MOXD1: variants seen among roughly 807,000 people sequenced by gnomAD.
MOXD1 encodes the protein DBH-like monooxygenase protein 1.
MOXD1 carries 62 observed loss-of-function variants against 66.6 expected under a neutral mutation model. That is an observed-to-expected ratio of 0.93 (90% CI 0.76 to 1.15). The LOEUF is 1.15. Ranked by LOEUF, MOXD1 falls within the 50% of genes most tolerant of loss-of-function variation. The pLI, the probability that MOXD1 is intolerant of heterozygous loss-of-function variation, is 0.00. For synonymous variants in MOXD1, 303 were observed against 281.9 expected (o/e 1.07, Z -0.75); for missense variants, 847 against 754.6 (o/e 1.12, Z -1.44).
chr6:132,333,107 C>T lies in MOXD1; in HGVS notation c.664-4513G>A, dbSNP rs529928572. On this transcript the variant is annotated intron_variant, in intron 4 of 11. Coordinates refer to ENST00000367963, the MANE Select transcript of MOXD1 (RefSeq NM_015529.4). ...ATCCCAGCACTTTGGGAGGCCGAGG[C>T]GGGCAGATCACAAGGTCAGGAGATC... is the stretch of plus-strand genomic sequence containing the variant. Among the ~76,000 whole-genome samples the T allele has an allele frequency of 1.7e-3, 264 of 152,164 alleles. 1 individual carries two copies. The highest frequency in any genetic ancestry group is 6.6e-3 in the South Asian group (32 of 4,814).
chr6:132,320,176 G>C (rs1775047691), intron 9 of MOXD1, among the ~76,000 whole-genome samples: 1 of 152,074 alleles, frequency 6.6e-6, no homozygotes, highest in African/African-American at 2.4e-5. Context: ...AGTAAGACAT[G>C]AATTATCTAT....
intron 8 of MOXD1, among the ~76,000 whole-genome samples, chr6:132,321,317 A>G (rs538490550): frequency 9.2e-5 from 14 of 152,278 alleles, no homozygotes; most frequent in African/African-American, 3.1e-4. Flanking sequence ...ATTAAATGAC[A>G]TAACACATAG....
At chr6:132,346,955 A>G (rs1243881540) in intron 4 of MOXD1, among the ~76,000 whole-genome samples, 1 of 152,250 alleles carries the variant, frequency 6.6e-6, no homozygotes, top group Admixed American at 6.5e-5. Flanking sequence ...GATCTAAGCC[A>G]CAATTGGATC....
intron 1 of MOXD1, among the ~76,000 whole-genome samples, chr6:132,398,093 C>G (rs1039242502): frequency 1.3e-5 from 2 of 152,196 alleles, no homozygotes; most frequent in Non-Finnish European, 2.9e-5. Flanking sequence ...ATTCCACACT[C>G]CACATCCTTG....
chr6:132,307,431 C>G (rs1774719618), intron 10 of MOXD1, among the ~76,000 whole-genome samples: 1 of 152,166 alleles, frequency 6.6e-6, no homozygotes, highest in Non-Finnish European at 1.5e-5. Flanking sequence ...GAGACTTTAA[C>G]ACCCCAATGT....
At position 132,362,637 on chromosome 6, in the gene MOXD1, C is replaced by T. The variant is rs1000863484; in HGVS notation, c.663+9971G>A. ...ATTTCTTCTCATGAGTAGCTTTTTA[C>T]AGATCGTTATAGCAAAGGGGAATCA... On this transcript the variant is annotated intron_variant, in intron 4 of 11. Coordinates refer to ENST00000367963, the MANE Select transcript of MOXD1 (RefSeq NM_015529.4). Among the ~76,000 whole-genome samples, 6 of 152,260 alleles carry T rather than the reference C, an allele frequency of 3.9e-5. 1 individual carries two copies. In the East Asian group the frequency reaches 1.2e-3, roughly 29 times the overall value.
At chr6:132,329,878 T>C (rs759726173) in intron 4 of MOXD1, among the ~76,000 whole-genome samples, 10 of 152,204 alleles carry the variant, frequency 6.6e-5, no homozygotes, top group Non-Finnish European at 1.2e-4. Context: ...TTGTTAGCTA[T>C]GTGCGCTTGT....
intron 4 of MOXD1, among the ~76,000 whole-genome samples, chr6:132,356,149 G>T (rs907667556): frequency 1.3e-5 from 2 of 152,122 alleles, no homozygotes; most frequent in Admixed American, 6.5e-5. Context: ...TCTTGATTCT[G>T]GTTTCATGAG....
intron 4 of MOXD1, among the ~76,000 whole-genome samples, chr6:132,332,112 C>T (rs72994804): frequency 0.076 from 11,557 of 152,246 alleles, 600 homozygotes; most frequent in South Asian, 0.22. Flanking sequence ...GACCCATGGC[C>T]TTTCAAGGTG....
intron 1 of MOXD1, among the ~76,000 whole-genome samples, chr6:132,400,083 A>G (rs1776986841): frequency 6.6e-6 from 1 of 152,234 alleles, no homozygotes; most frequent in South Asian, 2.1e-4. Flanking sequence ...ATTTCCTTCC[A>G]GAGTTAACAG....
At chr6:132,361,796 G>C (rs2114642931) in intron 4 of MOXD1, among the ~76,000 whole-genome samples, 1 of 152,142 alleles carries the variant, frequency 6.6e-6, no homozygotes, top group East Asian at 1.9e-4. Flanking sequence ...TGTTAGTGTA[G>C]TATTTTTCTT....
intron 4 of MOXD1, among the ~76,000 whole-genome samples, chr6:132,343,215 A>C (rs976750327): frequency 6.6e-6 from 1 of 152,236 alleles, no homozygotes; most frequent in African/African-American, 2.4e-5. Context: ...TTCCCTTAAT[A>C]TAAAAAGTTC....
At chr6:132,297,993 A>G (rs1396032563) in intron 10 of MOXD1, 38 bp from the exon 11 acceptor site, 1 of 1,539,812 alleles carries the variant, frequency 6.5e-7, no homozygotes, top group East Asian at 2.3e-5. Context: ...ATTCAGAACA[A>G]ATGCATTACA....
rs80195625 is a variant in MOXD1 at position 132,348,343 on chromosome 6, C to T, written c.664-19749G>A. The stretch of plus-strand genomic sequence containing the variant: ...TTTTTACTTTGCTATTTATCTTCAC[C>T]CTAACTTAATCCAGTACATTTCAGT... On this transcript the variant is annotated intron_variant, in intron 4 of 11. Transcript: ENST00000367963. 2.1e-3 allele frequency among the ~76,000 whole-genome samples: 323 copies of T among 152,248 alleles called. 2 individuals are homozygous for T. The highest frequency in any genetic ancestry group is 7.6e-3 in the African/African-American group (314 of 41,548).
At chr6:132,365,480 A>C (rs1776102100) in intron 4 of MOXD1, among the ~76,000 whole-genome samples, 1 of 152,170 alleles carries the variant, frequency 6.6e-6, no homozygotes, top group Admixed American at 6.5e-5. Context: ...GTCAAATCAC[A>C]GATATTTAGA....
At chr6:132,376,386 G>A (rs1383723616) in intron 1 of MOXD1, among the ~76,000 whole-genome samples, 1 of 150,902 alleles carries the variant, frequency 6.6e-6, no homozygotes, top group Non-Finnish European at 1.5e-5. Flanking sequence ...GTGTGCATAT[G>A]TTTCCCATCC....
chr6:132,297,056 A>G lies in MOXD1; in HGVS notation c.*97T>C. ...GGGAAAATGGGGAAGAAAAGTCTCC[A>G]CACTCTTCATGCCCAAAGTGGACAC... is the stretch of plus-strand genomic sequence containing the variant. On this transcript the variant is annotated 3_prime_UTR_variant, in exon 12 of 12. Transcript: ENST00000367963. 7.6e-7 allele frequency: 1 copy of G among 1,307,728 alleles called. No individual in the cohort carries two copies. Among genetic ancestry groups the G allele is most frequent in the Non-Finnish European group, 1.1e-6 (1 of 948,482 alleles). The allele number at this position is 1,307,728 out of a possible 1,614,324, so 81.0% of individuals were successfully genotyped here. A position where few individuals can be genotyped will look rare whatever the true frequency, so the allele number is the denominator to read the frequency against.
rs565046384 is a variant in MOXD1, at chr6:132,395,011, C to A, written c.264+6152G>T. Among the ~76,000 whole-genome samples the A allele has an allele frequency of 3.7e-4, 57 of 152,158 alleles. 1 individual carries two copies. Among genetic ancestry groups the A allele is most frequent in the Middle Eastern group, 6.8e-3 (2 of 294 alleles). The stretch of plus-strand genomic sequence containing the variant: ...GTTCTTCTGCTCAGCACATTATAGT[C>A]AAAATATCAGAGGTGAAAGACACAG... On this transcript the variant is annotated intron_variant, in intron 1 of 11. Transcript: ENST00000367963.
chr6:132,364,626 A>C (rs1288893825), intron 4 of MOXD1, among the ~76,000 whole-genome samples: 1 of 152,152 alleles, frequency 6.6e-6, no homozygotes, highest in Non-Finnish European at 1.5e-5. Context: ...AGTCTTGCTC[A>C]CCCTGGCACT....
Sources: gnomAD v4.1 joint callset for allele counts (sites outside exome capture counted in the v4.1 genomes callset) on GRCh38, gnomAD v4.1.1 for gene constraint, MANE v1.5 for transcripts, NCBI Gene and HGNC (gene_info 2026-07-23, HGNC 2026-07-21) for gene names.